Variants in KCNIP4 observed in about 807,000 individuals in gnomAD.
KCNIP4 encodes the protein Kv channel-interacting protein 4.
KCNIP4 carries 12 observed loss-of-function variants against 34.0 expected under a neutral mutation model. That is an observed-to-expected ratio of 0.35 (90% CI 0.23 to 0.57). The LOEUF (loss-of-function observed/expected upper bound fraction) is 0.57, where lower values mean the gene tolerates loss of function less well. Among genes scored for constraint, KCNIP4 ranks in the 20% least tolerant of loss-of-function variants. KCNIP4 has a pLI of 0.83. For missense variants in KCNIP4, 238 were observed against 311.7 expected, an observed-to-expected ratio of 0.76 and a Z score of 1.78; for synonymous variants, 124 against 102.2, an observed-to-expected ratio of 1.21 and a Z score of -1.29.
At chr4:21,192,107 G>A (rs543343833) in intron 1 of KCNIP4, among the ~76,000 whole-genome samples, 1 of 152,298 alleles carries the variant, frequency 6.6e-6, no homozygotes, top group East Asian at 1.9e-4. Flanking sequence ...ATTATATTCA[G>A]AGGGAAAATT....
intron 1 of KCNIP4, among the ~76,000 whole-genome samples, chr4:21,629,597 TTAAAACTGTATGTAAATAGAAA>T (rs1745571456): frequency 6.6e-6 from 1 of 152,172 alleles, no homozygotes; most frequent in African/African-American, 2.4e-5. Context: ...TTATGAGATA[TTAAAACTGTATGTAAATAGAAA>T]TAAAACTGCA....
chr4:21,944,892 T>G (rs188643481), intron 1 of KCNIP4, among the ~76,000 whole-genome samples: 5 of 152,250 alleles, frequency 3.3e-5, no homozygotes, highest in Middle Eastern at 3.4e-3. Flanking sequence ...GTAAATTAAT[T>G]TATAATAATG....
intron 1 of KCNIP4, among the ~76,000 whole-genome samples, chr4:20,927,266 C>T (rs759657744): frequency 5.9e-5 from 9 of 152,160 alleles, no homozygotes; most frequent in East Asian, 5.8e-4. Context: ...CATGAGCCAC[C>T]GTGCCCTGCC....
rs368988545 is a variant in KCNIP4, at chr4:20,839,643, T to C, written c.288+10900A>G. Among the ~76,000 whole-genome samples the C allele has an allele frequency of 1.1e-3, 173 of 152,150 alleles. 1 individual carries two copies. The highest frequency in any genetic ancestry group is 3.9e-3 in the African/African-American group (160 of 41,532). ...AACACAATTCAGAGTACTGGCATGA[T>C]AATAATGGTGCTAATAGTGATAATG... On this transcript the variant is annotated intron_variant, in intron 3 of 8. Coordinates refer to ENST00000382152, the MANE Select transcript of KCNIP4 (RefSeq NM_025221.6).
At chr4:21,186,887 GATCCCTC>G (rs1755272013) in intron 1 of KCNIP4, among the ~76,000 whole-genome samples, 1 of 152,070 alleles carries the variant, frequency 6.6e-6, no homozygotes. Context: ...GGGCTCAAGG[GATCCCTC>G]ATCCCAAAGT....
intron 1 of KCNIP4, among the ~76,000 whole-genome samples, chr4:21,238,521 C>T (rs1759547974): frequency 6.6e-6 from 1 of 152,294 alleles, no homozygotes; most frequent in African/African-American, 2.4e-5. Flanking sequence ...TGATAAGCAA[C>T]TTCAGCAAAG....
At chr4:20,798,895 G>A (rs920006181) in intron 3 of KCNIP4, among the ~76,000 whole-genome samples, 3 of 152,168 alleles carry the variant, frequency 2.0e-5, no homozygotes, top group African/African-American at 7.2e-5. Context: ...TTCAGAGAAG[G>A]TGACAACACT....
At chr4:20,785,711 G>A (rs1711891159) in intron 3 of KCNIP4, among the ~76,000 whole-genome samples, 1 of 152,042 alleles carries the variant, frequency 6.6e-6, no homozygotes, top group South Asian at 2.1e-4. Flanking sequence ...CACAATAAAG[G>A]ATAGAAAGTA....
intron 1 of KCNIP4, among the ~76,000 whole-genome samples, chr4:21,815,727 T>C (rs1353608057): frequency 6.6e-6 from 1 of 152,156 alleles, no homozygotes; most frequent in Non-Finnish European, 1.5e-5. Context: ...GTACTGCCTG[T>C]AAAAATATTA....
At chr4:21,462,765 TTGTGTGTGTGTG>T (rs57124779) in intron 1 of KCNIP4, among the ~76,000 whole-genome samples, 28,442 of 145,670 alleles carry the variant, frequency 0.2, 2,735 homozygotes, top group South Asian at 0.27. Flanking sequence ...TAGTATTCCA[TTGTGTGTGTGTG>T]TGTGTGTGTG....
intron 1 of KCNIP4, among the ~76,000 whole-genome samples, chr4:21,190,586 A>G (rs532705492): frequency 7.9e-5 from 12 of 152,334 alleles, no homozygotes; most frequent in Admixed American, 2.0e-4. Flanking sequence ...GTGATAAACC[A>G]GGAAAGATGA....
At chr4:21,597,992 G>T (rs1742790905) in intron 1 of KCNIP4, among the ~76,000 whole-genome samples, 1 of 152,116 alleles carries the variant, frequency 6.6e-6, no homozygotes, top group Non-Finnish European at 1.5e-5. Flanking sequence ...ATTATGAACT[G>T]TTGATTCAGT....
chr4:21,144,622 C>A (rs114811195), intron 1 of KCNIP4, among the ~76,000 whole-genome samples: 108 of 152,264 alleles, frequency 7.1e-4, no homozygotes, highest in African/African-American at 2.5e-3. Flanking sequence ...GCTACTACTA[C>A]TTCCGTTGTT....
chr4:21,770,577 G>A (rs555505531), intron 1 of KCNIP4, among the ~76,000 whole-genome samples: 1 of 152,250 alleles, frequency 6.6e-6, no homozygotes, highest in African/African-American at 2.4e-5. Flanking sequence ...CACCAACAGT[G>A]TAAAAGTGTT....
chr4:21,889,842 C>G (rs1024751052), intron 1 of KCNIP4, among the ~76,000 whole-genome samples: 2 of 152,154 alleles, frequency 1.3e-5, no homozygotes, highest in African/African-American at 4.8e-5. Context: ...CAACTATGTA[C>G]TCAGTAATGC....
intron 1 of KCNIP4, among the ~76,000 whole-genome samples, chr4:20,963,849 ACT>A (rs1734092950): frequency 1.3e-5 from 2 of 151,720 alleles, no homozygotes; most frequent in South Asian, 2.1e-4. Flanking sequence ...TTGATTCTCT[ACT>A]CTCTGTTTAA....
chr4:21,126,134 G>A (rs537595803), intron 1 of KCNIP4, among the ~76,000 whole-genome samples: 1 of 152,034 alleles, frequency 6.6e-6, no homozygotes, highest in East Asian at 1.9e-4. Context: ...ATTTTTCCAT[G>A]ACCTTTTACC....
At chr4:21,175,860 G>C (rs1754365104) in intron 1 of KCNIP4, among the ~76,000 whole-genome samples, 1 of 152,152 alleles carries the variant, frequency 6.6e-6, no homozygotes, top group African/African-American at 2.4e-5. Flanking sequence ...TGAAACTACA[G>C]AAAGGGAAAC....
intron 1 of KCNIP4, among the ~76,000 whole-genome samples, chr4:21,072,543 T>C (rs1348992332): frequency 6.6e-6 from 1 of 152,206 alleles, no homozygotes; most frequent in Admixed American, 6.5e-5. Flanking sequence ...TTCTGGATAT[T>C]AGTCCTTTGT....
Sources: allele counts gnomAD v4.1 joint callset (sites outside exome capture counted in the v4.1 genomes callset), GRCh38; gene constraint gnomAD v4.1.1; transcripts MANE v1.5; gene names NCBI Gene and HGNC (gene_info 2026-07-23, HGNC 2026-07-21).